MMP24: variants seen among roughly 807,000 people sequenced by gnomAD.
MMP24 encodes matrix metallopeptidase 24.
In MMP24, 25 loss-of-function variants were observed where a neutral mutation model predicts 62.8. The observed-to-expected ratio is 0.40, with a 90% CI of 0.29 to 0.56. The LOEUF is 0.56. MMP24 is among the 20% of genes least tolerant of loss of function. The probability of loss-of-function intolerance (pLI) is 0.50; values close to 1 mark genes in which losing one functional copy is unlikely to be tolerated. For synonymous variants in MMP24, 319 were observed against 350.5 expected (o/e 0.91, Z 1.00); for missense variants, 634 against 853.6 (o/e 0.74, Z 3.21).
chr20:35,269,995 T>C lies in MMP24; in HGVS notation c.1333+97T>C. ...GAAGAGGCGGGGTGGGAGGCAGATGTCCTCAGAGGGCCCCTCTAGTCTAAC... is the reference window on the plus strand; with the variant it reads ...GAAGAGGCGGGGTGGGAGGCAGATGCCCTCAGAGGGCCCCTCTAGTCTAAC... On this transcript the variant is annotated intron_variant, in intron 7 of 8. Coordinates refer to ENST00000246186, the MANE Select transcript of MMP24 (RefSeq NM_006690.4). The surrounding 1 kb of genome is among the most constrained non-coding windows in gnomAD (Gnocchi z 4.6). 7.0e-7 allele frequency: 1 copy of C among 1,438,542 alleles called. No individual in the cohort carries two copies. Among genetic ancestry groups the C allele is most frequent in the Non-Finnish European group, 9.4e-7 (1 of 1,065,084 alleles). 89.1% of individuals were successfully genotyped at this position (1,438,542 alleles called of 1,614,324 possible).
At chr20:35,260,757 C>A (rs113957870) in intron 4 of MMP24, among the ~76,000 whole-genome samples, 216 of 152,360 alleles carry the variant, frequency 1.4e-3, no homozygotes, top group Non-Finnish European at 2.6e-3. Flanking sequence ...CTTTCCGTTG[C>A]TCAAAGGTGG....
intron 2 of MMP24, among the ~76,000 whole-genome samples, 154 bp from the exon 3 acceptor site, chr20:35,251,751 G>C (rs752326112): frequency 1.3e-5 from 2 of 152,188 alleles, no homozygotes; most frequent in Non-Finnish European, 2.9e-5. Flanking sequence ...AATCAATCAT[G>C]TTCTTGTTGG....
At chr20:35,261,136 C>T (rs542250681) in intron 4 of MMP24, among the ~76,000 whole-genome samples, 13 of 152,262 alleles carry the variant, frequency 8.5e-5, no homozygotes, top group African/African-American at 3.1e-4. Context: ...ACCTGACTCC[C>T]TACCCCCTGC....
chr20:35,265,824 CTG>C (rs2060630699), intron 5 of MMP24, among the ~76,000 whole-genome samples: 1 of 152,054 alleles, frequency 6.6e-6, no homozygotes, highest in African/African-American at 2.4e-5. Context: ...CCATATGTGG[CTG>C]TGGCTAGGGG....
At chr20:35,267,645 G>A (rs952383395) in intron 6 of MMP24, among the ~76,000 whole-genome samples, 2 of 152,216 alleles carry the variant, frequency 1.3e-5, no homozygotes, top group Admixed American at 6.5e-5. Context: ...CCTCCCCTGG[G>A]GTTAATGCTG....
At chr20:35,253,790 AC>A (rs1214922705) in intron 3 of MMP24, among the ~76,000 whole-genome samples, 1 of 152,090 alleles carries the variant, frequency 6.6e-6, no homozygotes, top group African/African-American at 2.4e-5. Context: ...TATTTTTATA[AC>A]TTTTATAAAT....
At chr20:35,238,490 A>G (rs1265999988) in intron 1 of MMP24, among the ~76,000 whole-genome samples, 1 of 152,236 alleles carries the variant, frequency 6.6e-6, no homozygotes. Context: ...TGAACTGAAT[A>G]GAAGGAACAA....
At chr20:35,250,792 C>T (rs1348389338) in intron 2 of MMP24, among the ~76,000 whole-genome samples, 1 of 152,018 alleles carries the variant, frequency 6.6e-6, no homozygotes, top group Admixed American at 6.6e-5. Context: ...ATTAAACAAC[C>T]AGATCTCATG....
At chr20:35,266,351 C>G (rs1453780835) in intron 5 of MMP24, among the ~76,000 whole-genome samples, 2 of 56,616 alleles carry the variant, frequency 3.5e-5, no homozygotes, top group Non-Finnish European at 6.9e-5. Context: ...GACTCCTTCT[C>G]AAAAAAAAAA....
chr20:35,267,743 C>G, intron 6 of MMP24: 2 of 393,984 alleles, frequency 5.1e-6, no homozygotes, highest in South Asian at 2.5e-5. Context: ...GGAGTCATTC[C>G]TCTAACAAAG....
intron 5 of MMP24, among the ~76,000 whole-genome samples, chr20:35,266,210 GGT>G (rs1441420506): frequency 1.4e-5 from 2 of 146,730 alleles, no homozygotes; most frequent in East Asian, 4.0e-4. Flanking sequence ...AAATCACCTG[GGT>G]GTGGTGGTAC....
chr20:35,260,902 C>G (rs895633201), intron 4 of MMP24, among the ~76,000 whole-genome samples: 5 of 152,208 alleles, frequency 3.3e-5, no homozygotes, highest in African/African-American at 1.2e-4. Flanking sequence ...CCCCATGTGT[C>G]CCTAGGCCAG....
At chr20:35,254,919 C>T (rs145419864) in intron 4 of MMP24, among the ~76,000 whole-genome samples, 165 bp downstream of exon 4, 223 of 152,306 alleles carry the variant, frequency 1.5e-3, no homozygotes, top group Non-Finnish European at 2.7e-3. Flanking sequence ...AACGTTCAAT[C>T]CACCAGGGCC....
intron 2 of MMP24, among the ~76,000 whole-genome samples, chr20:35,248,799 G>A (rs780011008): frequency 6.6e-6 from 1 of 152,164 alleles, no homozygotes; most frequent in African/African-American, 2.4e-5. Context: ...TGGTTAAAGA[G>A]AGCCCAGCCG....
At chr20:35,255,493 T>C (rs1450035696) in intron 4 of MMP24, among the ~76,000 whole-genome samples, 1 of 152,196 alleles carries the variant, frequency 6.6e-6, no homozygotes, top group Admixed American at 6.5e-5. Flanking sequence ...GAAATTATTC[T>C]GGCATCCTTG....
intron 2 of MMP24, among the ~76,000 whole-genome samples, chr20:35,249,623 C>G (rs1256595534): frequency 1.3e-5 from 2 of 150,792 alleles, no homozygotes; most frequent in Non-Finnish European, 2.9e-5. Context: ...GAGTCTCGCT[C>G]TGTCGCCCAG....
At chr20:35,263,711 G>A (rs1275990686) in intron 4 of MMP24, 80 bp from the exon 5 acceptor site, 1 of 1,278,212 alleles carries the variant, frequency 7.8e-7, no homozygotes, top group Admixed American at 3.2e-5. Flanking sequence ...CGTGCTCGGT[G>A]TTTGCTGAGG....
At chr20:35,239,489 AAT>A (rs1380881378) in intron 1 of MMP24, among the ~76,000 whole-genome samples, 1 of 152,186 alleles carries the variant, frequency 6.6e-6, no homozygotes, top group Admixed American at 6.5e-5. Context: ...AAGGGACAGA[AAT>A]AAACATTTGA....
chr20:35,263,743 CAT>C (rs2060616582), intron 4 of MMP24, 46 bp from the exon 5 acceptor site: 1 of 1,432,730 alleles, frequency 7.0e-7, no homozygotes, highest in Non-Finnish European at 9.2e-7. Flanking sequence ...CTGACCGACT[CAT>C]ATCTAAGCAG....
Sources: gnomAD v4.1 joint callset for allele counts (sites outside exome capture counted in the v4.1 genomes callset) on GRCh38, gnomAD v4.1.1 for gene constraint, Gnocchi (gnomAD v3.1) non-coding constraint, MANE v1.5 for transcripts, NCBI Gene and HGNC (gene_info 2026-07-23, HGNC 2026-07-21) for gene names.